CSMD1: variants seen among roughly 807,000 people sequenced by gnomAD.
CSMD1 encodes CUB and sushi domain-containing protein 1.
In CSMD1, 213 loss-of-function variants were observed where a neutral mutation model predicts 417.5. That is an observed-to-expected ratio of 0.51 (90% CI 0.46 to 0.57). The LOEUF (loss-of-function observed/expected upper bound fraction) is 0.57, where lower values mean the gene tolerates loss of function less well. Among genes scored for constraint, CSMD1 ranks in the 20% least tolerant of loss-of-function variants. CSMD1 has a pLI of 0.00. For missense variants in CSMD1, 6,923 were observed against 4,529.7 expected, an observed-to-expected ratio of 1.53 and a Z score of -15.17; for synonymous variants, 2,862 against 1,736.8, an observed-to-expected ratio of 1.65 and a Z score of -16.11.
At chr8:4,277,471 A>G (rs1245130133) in intron 3 of CSMD1, among the ~76,000 whole-genome samples, 1 of 152,110 alleles carries the variant, frequency 6.6e-6, no homozygotes, top group Non-Finnish European at 1.5e-5. Flanking sequence ...ACTTAAATGT[A>G]CCGTCTTAAA....
At chr8:3,228,592 A>T (rs1272103961) in intron 27 of CSMD1, among the ~76,000 whole-genome samples, 3 of 152,170 alleles carry the variant, frequency 2.0e-5, no homozygotes, top group African/African-American at 7.2e-5. Context: ...GTGGCTGGTC[A>T]AAATAAAGTA....
intron 40 of CSMD1, among the ~76,000 whole-genome samples, chr8:3,145,510 T>C (rs1818789120): frequency 6.6e-6 from 1 of 152,260 alleles, no homozygotes; most frequent in Middle Eastern, 3.4e-3. Flanking sequence ...GATTTGGAAT[T>C]CAGTTTGAAA....
rs535104663 is a variant in CSMD1, at chr8:4,144,802, G to A, written c.416-112703C>T. Among the ~76,000 whole-genome samples, 26 of 151,122 alleles carry A rather than the reference G, an allele frequency of 1.7e-4. 2 individuals are homozygous for A. Among genetic ancestry groups the A allele is most frequent in the African/African-American group, 5.9e-4 (24 of 40,484 alleles). On this transcript the variant is annotated intron_variant, in intron 3 of 69. Coordinates refer to ENST00000635120, the MANE Select transcript of CSMD1 (RefSeq NM_033225.6). ...ATTTACCAGGTTGTCAGTAAGAGTTGCATCACCAAAAAGCAACATTCGCAA... is the reference window on the plus strand; with the variant it reads ...ATTTACCAGGTTGTCAGTAAGAGTTACATCACCAAAAAGCAACATTCGCAA...
At chr8:4,566,556 G>C (rs573107587) in intron 2 of CSMD1, among the ~76,000 whole-genome samples, 3 of 150,234 alleles carry the variant, frequency 2.0e-5, no homozygotes, top group South Asian at 2.1e-4. Context: ...GGGAGGCTGA[G>C]GCAGGAGAGT....
intron 1 of CSMD1, among the ~76,000 whole-genome samples, chr8:4,701,208 T>G (rs184015768): frequency 1.3e-5 from 2 of 152,108 alleles, no homozygotes; most frequent in African/African-American, 4.8e-5. Context: ...AGTTCCCGAC[T>G]GTTCTTTGCT....
chr8:3,616,225 G>A (rs142531147), intron 8 of CSMD1, among the ~76,000 whole-genome samples: 80 of 152,280 alleles, frequency 5.3e-4, no homozygotes, highest in African/African-American at 1.5e-3. Context: ...GGGAGGGACC[G>A]GTGAGAGGCA....
chr8:4,020,916 A>C (rs895869035), intron 4 of CSMD1, among the ~76,000 whole-genome samples: 2 of 152,228 alleles, frequency 1.3e-5, no homozygotes, highest in African/African-American at 2.4e-5. Context: ...GCAATTGCTG[A>C]AACTTAAAGG....
intron 1 of CSMD1, among the ~76,000 whole-genome samples, chr8:4,862,437 T>G (rs1274915692): frequency 6.6e-6 from 1 of 152,040 alleles, no homozygotes; most frequent in Non-Finnish European, 1.5e-5. Flanking sequence ...CTGTGTTGGG[T>G]AGAGGCATGT....
At chr8:4,331,223 G>C (rs924552028) in intron 3 of CSMD1, among the ~76,000 whole-genome samples, 1 of 152,090 alleles carries the variant, frequency 6.6e-6, no homozygotes, top group African/African-American at 2.4e-5. Context: ...TGCCTCCCAG[G>C]TGAGTCCCTG....
At chr8:3,756,783 A>C (rs1481721) in intron 5 of CSMD1, among the ~76,000 whole-genome samples, 138,261 of 152,018 alleles carry the variant, frequency 0.91, 62,883 homozygotes, top group Admixed American at 0.94. Context: ...GTTCTGACTG[A>C]AAAAACCAGG....
At chr8:3,637,902 G>A (rs980362388) in intron 7 of CSMD1, among the ~76,000 whole-genome samples, 5 of 152,162 alleles carry the variant, frequency 3.3e-5, no homozygotes, top group Non-Finnish European at 7.4e-5. Context: ...CAGTTCCCCT[G>A]CCCACACTCT....
At chr8:4,761,894 C>CTATCTATCTATCAAT (rs1563319426) in intron 1 of CSMD1, among the ~76,000 whole-genome samples, 1 of 83,742 alleles carries the variant, frequency 1.2e-5, no homozygotes, top group African/African-American at 4.5e-5. Context: ...TATCTACCTA[C>CTATCTATCTATCAAT]CTATCTATCT....
chr8:4,507,357 A>C (rs934578584), intron 2 of CSMD1, among the ~76,000 whole-genome samples: 1 of 152,062 alleles, frequency 6.6e-6, no homozygotes, highest in Non-Finnish European at 1.5e-5. Context: ...TGTTTACAAG[A>C]CTCTCCCATT....
At chr8:3,159,628 C>G (rs983144118) in intron 38 of CSMD1, among the ~76,000 whole-genome samples, 6 of 152,092 alleles carry the variant, frequency 3.9e-5, no homozygotes, top group Admixed American at 3.9e-4. Context: ...AAAAAAAATC[C>G]AGAATCCTTT....
At chr8:4,590,140 C>T (rs17070697) in intron 2 of CSMD1, among the ~76,000 whole-genome samples, 34,424 of 151,898 alleles carry the variant, frequency 0.23, 5,031 homozygotes, top group African/African-American at 0.42. Context: ...TTTGGTAAAG[C>T]AAGTGAATTT....
At chr8:4,871,221 G>A (rs1348041833) in intron 1 of CSMD1, among the ~76,000 whole-genome samples, 1 of 152,120 alleles carries the variant, frequency 6.6e-6, no homozygotes, top group Non-Finnish European at 1.5e-5. Context: ...GAAAGGAAGT[G>A]GGTGGTCCAG....
chr8:3,552,445 G>A (rs768058277), intron 10 of CSMD1, among the ~76,000 whole-genome samples: 2 of 152,062 alleles, frequency 1.3e-5, no homozygotes, highest in African/African-American at 2.4e-5. Context: ...AGGGATTGTT[G>A]TTAGGCAGTT....
At chr8:4,763,244 T>A (rs531174764) in intron 1 of CSMD1, among the ~76,000 whole-genome samples, 4 of 152,356 alleles carry the variant, frequency 2.6e-5, no homozygotes, top group African/African-American at 9.6e-5. Flanking sequence ...AAAACTCTTT[T>A]GGACAAAGGA....
intron 3 of CSMD1, among the ~76,000 whole-genome samples, chr8:4,041,929 T>A (rs1031269977): frequency 9.2e-5 from 14 of 151,990 alleles, no homozygotes; most frequent in African/African-American, 3.4e-4. Context: ...AATGAACATG[T>A]AGAGATAGCA....
Sources: gnomAD v4.1 joint callset for allele counts (sites outside exome capture counted in the v4.1 genomes callset) on GRCh38, gnomAD v4.1.1 for gene constraint, MANE v1.5 for transcripts, NCBI Gene and HGNC (gene_info 2026-07-23, HGNC 2026-07-21) for gene names.